MED12L: variants seen among roughly 807,000 people sequenced by gnomAD.
MED12L encodes the protein mediator complex subunit 12L.
A neutral mutation model predicts 281.3 loss-of-function variants in MED12L; 60 were observed. The ratio of observed to expected loss-of-function variants is 0.21; its 90% CI spans 0.17 to 0.26. MED12L has a LOEUF of 0.26. Ranked by LOEUF, MED12L falls within the 10% of genes least tolerant of loss-of-function variation. MED12L has a pLI of 1.00. For synonymous variants in MED12L, 974 were observed against 987.2 expected (o/e 0.99, Z 0.25); for missense variants, 2,146 against 2,680.9 (o/e 0.80, Z 4.41).
intron 36 of MED12L, among the ~76,000 whole-genome samples, chr3:151,387,244 GACTTT>G (rs1713552618): frequency 1.3e-5 from 2 of 151,058 alleles, no homozygotes; most frequent in African/African-American, 4.9e-5. Context: ...TGAGTTGAAA[GACTTT>G]ACTTATTCCT....
In MED12L at chr3:151,338,386, A is replaced by G. The variant is rs62283053; in HGVS notation, c.2251-11673A>G. On this transcript the variant is annotated intron_variant, in intron 16 of 44. Coordinates refer to ENST00000687756, the MANE Select transcript of MED12L (RefSeq NM_001393769.1). ...AGAATCATGTTAGGCAAAGAGAGTA[A>G]GAACATGAATGCCCAGATGACAACA... The G allele has an allele frequency of 3.3e-3, 5,402 of 1,614,176 alleles. 20 individuals are homozygous for G. The highest frequency in any genetic ancestry group is 4.3e-3 in the South Asian group (391 of 91,084).
Position 151,165,513 on chromosome 3 carries a change from A to T in MED12L, c.1351A>T (p.Thr451Ser). ...RWSFDKCQES[T>S]AGVTISRVLH... is the part of the protein sequence containing the mutation. ...GTCATTTGACAAGTGCCAAGAATCC[A>T]CAGCAGGTACAGAATGCCACAGAGG... Residue 451 changes from threonine to serine, a missense_variant, in exon 10 of 45, where the codon ACA becomes TCA. Physicochemically the swap from Thr to Ser is moderately conservative, Grantham distance 58 (BLOSUM62 1). This residue lies in a region of MED12L where 722 missense variants were observed against 861.2 expected (regional missense o/e 0.84). Coordinates refer to ENST00000687756, the MANE Select transcript of MED12L (RefSeq NM_001393769.1). 6.2e-7 allele frequency: 1 copy of T among 1,611,414 alleles called. No individual in the cohort carries two copies. The highest frequency in any genetic ancestry group is 8.5e-7 in the Non-Finnish European group (1 of 1,177,562).
intron 16 of MED12L, among the ~76,000 whole-genome samples, chr3:151,330,530 C>T (rs1027998444): frequency 5.3e-5 from 8 of 152,050 alleles, no homozygotes; most frequent in South Asian, 2.1e-4. Flanking sequence ...ATAGGAAAAG[C>T]GGAAATTAGG....
At chr3:151,332,272 T>C (rs1750436265) in intron 16 of MED12L, among the ~76,000 whole-genome samples, 1 of 152,162 alleles carries the variant, frequency 6.6e-6, no homozygotes, top group South Asian at 2.1e-4. Context: ...TGTGAAAAGA[T>C]GAGGAAGTAT....
chr3:151,256,701 A>G (rs190499514), intron 16 of MED12L, among the ~76,000 whole-genome samples: 24 of 152,330 alleles, frequency 1.6e-4, no homozygotes, highest in African/African-American at 5.5e-4. Flanking sequence ...ATGCTAAATA[A>G]TAGTAAAGGC....
chr3:151,233,624 T>C (rs970468859), intron 16 of MED12L, among the ~76,000 whole-genome samples: 1 of 152,146 alleles, frequency 6.6e-6, no homozygotes, highest in African/African-American at 2.4e-5. Context: ...TCCCAGCTAC[T>C]CGGGAGGCTG....
chr3:151,295,733 G>T (rs956782706), intron 16 of MED12L, among the ~76,000 whole-genome samples: 2 of 152,132 alleles, frequency 1.3e-5, no homozygotes, highest in African/African-American at 4.8e-5. Context: ...TTTTTTGCCT[G>T]TGACTTTCTT....
intron 39 of MED12L, among the ~76,000 whole-genome samples, chr3:151,399,011 CTG>C (rs141014673): frequency 0.29 from 44,188 of 151,884 alleles, 7,377 homozygotes; most frequent in Non-Finnish European, 0.38. Context: ...GTAACTGAAA[CTG>C]TGGGAAGTGA....
intron 16 of MED12L, among the ~76,000 whole-genome samples, chr3:151,255,451 GA>G (rs1404229400): frequency 2.0e-5 from 3 of 152,012 alleles, no homozygotes; most frequent in Non-Finnish European, 4.4e-5. Flanking sequence ...AGGCCAGGGG[GA>G]GGGGGCTGGG....
intron 16 of MED12L, chr3:151,198,623 G>A (rs1215274344): frequency 6.2e-7 from 1 of 1,613,938 alleles, no homozygotes; most frequent in East Asian, 2.2e-5. Context: ...TGAGCAATCA[G>A]TTATGACTTC....
At chr3:151,284,275 G>C (rs1159343631) in intron 16 of MED12L, among the ~76,000 whole-genome samples, 1 of 152,006 alleles carries the variant, frequency 6.6e-6, no homozygotes, top group Non-Finnish European at 1.5e-5. Flanking sequence ...ATCACATGTA[G>C]AGTTTTGTTT....
chr3:151,327,732 A>AT, intron 16 of MED12L: 1 of 259,168 alleles, frequency 3.9e-6, no homozygotes, highest in Non-Finnish European at 6.8e-6. Flanking sequence ...TGCTCTTGAA[A>AT]TTAAAAAAAA....
intron 16 of MED12L, among the ~76,000 whole-genome samples, chr3:151,227,739 C>G (rs1730825806): frequency 6.6e-6 from 1 of 152,228 alleles, no homozygotes; most frequent in Admixed American, 6.5e-5. Context: ...CTAGGGACTG[C>G]ATCTTGGTAG....
chr3:151,403,442 C>T (rs1054255570), intron 39 of MED12L, among the ~76,000 whole-genome samples: 1 of 152,146 alleles, frequency 6.6e-6, no homozygotes, highest in African/African-American at 2.4e-5. Flanking sequence ...ATAATGAAAA[C>T]TGTGGTTATG....
At chr3:151,207,661 C>T (rs922108816) in intron 16 of MED12L, among the ~76,000 whole-genome samples, 4 of 152,058 alleles carry the variant, frequency 2.6e-5, no homozygotes, top group South Asian at 2.1e-4. Flanking sequence ...GGTGAATCTA[C>T]CAACATTGGA....
chr3:151,245,869 C>A (rs1735330804), intron 16 of MED12L, among the ~76,000 whole-genome samples: 1 of 151,426 alleles, frequency 6.6e-6, no homozygotes, highest in Non-Finnish European at 1.5e-5. Context: ...ATCTAGAAAA[C>A]CCCATCGTTT....
At chr3:151,344,757 AGT>A (rs979840366) in intron 16 of MED12L, among the ~76,000 whole-genome samples, 2 of 152,210 alleles carry the variant, frequency 1.3e-5, no homozygotes, top group Non-Finnish European at 2.9e-5. Context: ...GCGCATTCTG[AGT>A]GAGATCTTTT....
intron 16 of MED12L, among the ~76,000 whole-genome samples, chr3:151,259,047 A>G (rs565449558): frequency 6.6e-6 from 1 of 152,322 alleles, no homozygotes; most frequent in East Asian, 1.9e-4. Context: ...AATAAATCAA[A>G]TTTAATTTTT....
Position 151,432,919 on chromosome 3 carries a change from CTA to C in MED12L, c.*119_*120del. 1.4e-6 allele frequency: 1 copy of C among 707,776 alleles called. No homozygotes were observed. Among genetic ancestry groups the C allele is most frequent in the East Asian group, 3.1e-5 (1 of 31,874 alleles). The allele number at this position is 707,776 out of a possible 1,614,324, so 43.8% of individuals were successfully genotyped here. A position where few individuals can be genotyped will look rare whatever the true frequency, so the allele number is the denominator to read the frequency against. On this transcript the variant is annotated 3_prime_UTR_variant, in exon 45 of 45. Transcript: ENST00000687756. ...TTTTTTTCATTTCTTTGACATTTTA[CTA>C]TATTTTATGCTACATCTCACAAAAA...
Sources: allele counts gnomAD v4.1 joint callset (sites outside exome capture counted in the v4.1 genomes callset), GRCh38; gene constraint gnomAD v4.1.1; regional missense constraint gnomAD v4.1.1; transcripts MANE v1.5; gene names NCBI Gene and HGNC (gene_info 2026-07-23, HGNC 2026-07-21).